The following FGF13 variants were observed in gnomAD, a reference collection of about 807,000 sequenced individuals.
The protein encoded by FGF13 is fibroblast growth factor homologous factor 2.
In FGF13, 2 loss-of-function variants were observed where a neutral mutation model predicts 19.5. The ratio of observed to expected loss-of-function variants is 0.10; its 90% CI spans 0.04 to 0.32. FGF13 has a LOEUF of 0.32. FGF13 is among the 10% of genes least tolerant of loss of function. The probability of loss-of-function intolerance (pLI) is 1.00; values close to 1 mark genes in which losing one functional copy is unlikely to be tolerated. For synonymous variants in FGF13, 72 were observed against 76.9 expected, an observed-to-expected ratio of 0.94 and a Z score of 0.33; for missense variants, 113 against 192.7, an observed-to-expected ratio of 0.59 and a Z score of 2.45.
chrX:138,971,176 C>T (rs1281306841), intron 1 of FGF13, among the ~76,000 whole-genome samples: 1 of 111,847 alleles, frequency 8.9e-6, no homozygotes, highest in Non-Finnish European at 1.9e-5. Flanking sequence ...AGATTGAATT[C>T]CTGGCTCCTC....
intron 1 of FGF13, among the ~76,000 whole-genome samples, chrX:139,181,847 C>T (rs2084241162): frequency 9.0e-6 from 1 of 111,629 alleles, no homozygotes; most frequent in Non-Finnish European, 1.9e-5. Flanking sequence ...AGGGTTGATG[C>T]TTGAACAGGG....
At chrX:138,756,883 T>C (rs1367082038) in intron 3 of FGF13, among the ~76,000 whole-genome samples, 1 of 111,569 alleles carries the variant, frequency 9.0e-6, no homozygotes, top group Non-Finnish European at 1.9e-5. Flanking sequence ...ACACCCTCCT[T>C]CTTTCTCTTG....
At chrX:139,197,166 A>C (rs992244095) in intron 1 of FGF13, among the ~76,000 whole-genome samples, 16 of 112,329 alleles carry the variant, frequency 1.4e-4, no homozygotes, top group African/African-American at 5.2e-4. Flanking sequence ...ATATGCATTC[A>C]TCATTTATTG....
At position 139,131,382 on chromosome X, in the gene FGF13, GGTGTGTGTGTGT is replaced by G. The variant is rs10541863; in HGVS notation, c.-113+72022_-113+72033del. ...TGTTGTATGGATTAGAATATAGAGG[GGTGTGTGTGTGT>G]GTGTGTGTGTGTGTGTGTGTGTGTG... On this transcript the variant is annotated intron_variant, in intron 1 of 2. Transcript: ENST00000421460. Among the ~76,000 whole-genome samples, 102 of 91,440 alleles carry G rather than the reference GGTGTGTGTGTGT, an allele frequency of 1.1e-3. 1 individual carries two copies. Among genetic ancestry groups the G allele is most frequent in the African/African-American group, 3.5e-3 (87 of 25,201 alleles). 79.4% of individuals were successfully genotyped at this position (91,440 alleles called of 115,157 possible). A position where few individuals can be genotyped will look rare whatever the true frequency, so the allele number is the denominator to read the frequency against.
In FGF13 at chrX:139,146,853, G is replaced by A. The variant is rs1192665977; in HGVS notation, c.-113+56563C>T. 2.7e-5 allele frequency among the ~76,000 whole-genome samples: 3 copies of A among 109,795 alleles called. No individual in the cohort carries two copies. The East Asian group carries it at 8.6e-4, about 32-fold the overall frequency. ...ATGAAGCTGGAAACCATCATTCTGAGCAAACTATCTCAAGGACAGAAAACT... is the reference window on the plus strand; with the variant it reads ...ATGAAGCTGGAAACCATCATTCTGAACAAACTATCTCAAGGACAGAAAACT... On this transcript the variant is annotated intron_variant, in intron 1 of 2. Coordinates refer to the FGF13 transcript ENST00000421460.
intron 1 of FGF13, among the ~76,000 whole-genome samples, chrX:139,197,993 CAAA>C (rs57335781): frequency 2.1e-4 from 5 of 23,292 alleles, no homozygotes; most frequent in Admixed American, 5.3e-4. Context: ...GACCCTACCT[CAAA>C]AAAAAAAAAA....
intron 1 of FGF13, among the ~76,000 whole-genome samples, chrX:139,192,371 A>T (rs1403984860): frequency 8.9e-6 from 1 of 112,034 alleles, no homozygotes; most frequent in Non-Finnish European, 1.9e-5. Flanking sequence ...TCTCTAGGAC[A>T]ATGTTTCCCC....
intron 1 of FGF13, among the ~76,000 whole-genome samples, chrX:138,972,255 A>T (rs377391273): frequency 3.1e-5 from 3 of 96,985 alleles, no homozygotes; most frequent in Admixed American, 1.2e-4. Flanking sequence ...TGGTAGTTCT[A>T]TTTTTTTTTT....
intron 1 of FGF13, among the ~76,000 whole-genome samples, chrX:138,932,439 C>A (rs952962182): frequency 7.4e-5 from 8 of 108,308 alleles, no homozygotes; most frequent in African/African-American, 1.0e-4. Flanking sequence ...ATTAGCCGGG[C>A]CTGGTGGCAC....
chrX:138,620,468 A>T lies in FGF13; in HGVS notation c.*12382T>A, dbSNP rs2089005723. On this transcript the variant is annotated 3_prime_UTR_variant, in exon 5 of 5. Coordinates refer to ENST00000315930, the MANE Select transcript of FGF13 (RefSeq NM_004114.5). ...GCATATCCTGCACATGTACCCTGGA[A>T]CTTAAAATAAAAATAAAAATTATTA... 9.0e-6 allele frequency: 1 copy of T among 111,062 alleles called. No individual in the cohort carries two copies. The highest frequency in any genetic ancestry group is 1.9e-5 in the Non-Finnish European group (1 of 52,983). 9.2% of individuals were successfully genotyped at this position (111,062 alleles called of 1,213,427 possible).
intron 1 of FGF13, among the ~76,000 whole-genome samples, chrX:138,936,765 C>T (rs779393239): frequency 1.8e-5 from 2 of 112,221 alleles, no homozygotes; most frequent in South Asian, 7.5e-4. Flanking sequence ...TCTGTGAAAA[C>T]TTACATATTG....
At chrX:139,203,158 G>T (rs1011659896) in intron 1 of FGF13, among the ~76,000 whole-genome samples, 1 of 111,849 alleles carries the variant, frequency 8.9e-6, no homozygotes, top group Non-Finnish European at 1.9e-5. Flanking sequence ...CCTGAGCACC[G>T]CTTTGCTGCG....
chrX:138,666,474 T>C (rs1465264002), intron 3 of FGF13, among the ~76,000 whole-genome samples: 1 of 111,468 alleles, frequency 9.0e-6, no homozygotes, highest in Non-Finnish European at 1.9e-5. Context: ...AGTTGGGACA[T>C]GGCAAAGTGT....
At chrX:139,197,436 T>C (rs1255808228) in intron 1 of FGF13, among the ~76,000 whole-genome samples, 1 of 112,780 alleles carries the variant, frequency 8.9e-6, no homozygotes, top group Non-Finnish European at 1.9e-5. Flanking sequence ...TATTTGCTAT[T>C]AAAGGATGAA....
At chrX:138,986,208 C>T (rs1234738567) in intron 1 of FGF13, among the ~76,000 whole-genome samples, 3 of 111,303 alleles carry the variant, frequency 2.7e-5, no homozygotes, top group Non-Finnish European at 5.7e-5. Context: ...TGGAAATGTA[C>T]CAATGGTAGG....
chrX:138,678,082 A>G (rs2089690654), intron 3 of FGF13, among the ~76,000 whole-genome samples: 2 of 111,732 alleles, frequency 1.8e-5, no homozygotes, highest in African/African-American at 3.3e-5. Flanking sequence ...CGCAAGGACA[A>G]AAAACCAAAC....
At chrX:138,665,934 C>A (rs998490486) in intron 3 of FGF13, among the ~76,000 whole-genome samples, 5 of 111,184 alleles carry the variant, frequency 4.5e-5, no homozygotes, top group African/African-American at 1.6e-4. Context: ...AGGGCTGACA[C>A]AGGGCTGGGA....
At position 138,892,835 on chromosome X, in the gene FGF13, A is replaced by C. The variant is rs895033272; in HGVS notation, c.-112-28185T>G. Among the ~76,000 whole-genome samples the C allele has an allele frequency of 2.9e-4, 32 of 109,654 alleles. 1 individual carries two copies. Among genetic ancestry groups the C allele is most frequent in the African/African-American group, 1.0e-3 (31 of 30,041 alleles). On this transcript the variant is annotated intron_variant, in intron 1 of 2. Transcript: ENST00000421460. ...GGGAGCATATATGGGTGGTAGACAT[A>C]CTTAGCTACATGAATGTTTGTCTCC... is the stretch of plus-strand genomic sequence containing the variant.
At chrX:139,016,974 A>C (rs1272404952) in intron 1 of FGF13, among the ~76,000 whole-genome samples, 1 of 110,563 alleles carries the variant, frequency 9.0e-6, no homozygotes, top group Non-Finnish European at 1.9e-5. Flanking sequence ...CGAATACTCA[A>C]AACAGATCTC....
Sources: allele counts gnomAD v4.1 joint callset (sites outside exome capture counted in the v4.1 genomes callset), GRCh38; gene constraint gnomAD v4.1.1; transcripts MANE v1.5; gene names NCBI Gene and HGNC (gene_info 2026-07-23, HGNC 2026-07-21).